Variants in PTGR1 observed in about 807,000 individuals in gnomAD.
PTGR1 encodes 15-oxoprostaglandin 13-reductase.
A neutral mutation model predicts 37.7 loss-of-function variants in PTGR1; 23 were observed. That is an observed-to-expected ratio of 0.61 (90% CI 0.44 to 0.86). PTGR1 has a LOEUF of 0.86. Among genes scored for constraint, PTGR1 ranks in the 40% least tolerant of loss-of-function variants. The pLI, the probability that PTGR1 is intolerant of heterozygous loss-of-function variation, is 0.00. For synonymous variants in PTGR1, 134 were observed against 140.0 expected (o/e 0.96, Z 0.30); for missense variants, 351 against 394.3 (o/e 0.89, Z 0.93).
intron 4 of PTGR1, among the ~76,000 whole-genome samples, chr9:111,586,785 C>T (rs1354672436): frequency 1.4e-5 from 2 of 142,966 alleles, no homozygotes; most frequent in Admixed American, 1.4e-4. Flanking sequence ...CTTTTCCACT[C>T]TCTCTCTCTC....
At chr9:111,578,748 T>C (rs1414933269) in intron 7 of PTGR1, 48 bp downstream of exon 7, 6 of 1,527,536 alleles carry the variant, frequency 3.9e-6, no homozygotes, top group Non-Finnish European at 5.3e-6. Context: ...TCCTGCTTTA[T>C]ATAGTACTTC....
intron 9 of PTGR1, among the ~76,000 whole-genome samples, chr9:111,569,510 G>A (rs1232925851): frequency 6.6e-6 from 1 of 152,180 alleles, no homozygotes; most frequent in Non-Finnish European, 1.5e-5. Context: ...AGGTGCGGTG[G>A]CTCACAACTG....
At chr9:111,591,063 G>A (rs571558775) in intron 4 of PTGR1, among the ~76,000 whole-genome samples, 13 of 152,164 alleles carry the variant, frequency 8.5e-5, no homozygotes, top group East Asian at 7.8e-4. Context: ...AGGCCAAGGC[G>A]GGCGGATCAC....
chr9:111,586,565 T>C (rs75836062), intron 4 of PTGR1, among the ~76,000 whole-genome samples: 11,347 of 152,082 alleles, frequency 0.075, 599 homozygotes, highest in East Asian at 0.23. Context: ...TCACTCAAAA[T>C]ATAAGCATGC....
intron 7 of PTGR1, chr9:111,577,491 C>A (rs531139410): frequency 1.3e-4 from 20 of 152,270 alleles, no homozygotes; most frequent in African/African-American, 4.8e-4. Context: ...AAAATCCACA[C>A]AAAAACCTCT....
At chr9:111,575,057 T>A (rs1829000218) in intron 7 of PTGR1, among the ~76,000 whole-genome samples, 2 of 152,078 alleles carry the variant, frequency 1.3e-5, no homozygotes, top group East Asian at 3.8e-4. Flanking sequence ...TCCCAACACT[T>A]TGGAAGGTTG....
At chr9:111,583,826 G>T (rs190559855) in intron 5 of PTGR1, among the ~76,000 whole-genome samples, 2 of 152,318 alleles carry the variant, frequency 1.3e-5, no homozygotes, top group African/African-American at 4.8e-5. Flanking sequence ...GAAAGGGGCT[G>T]TATCCTGTCC....
intron 6 of PTGR1, 44 bp from the exon 7 acceptor site, chr9:111,578,995 A>C: frequency 6.5e-7 from 1 of 1,547,448 alleles, no homozygotes; most frequent in South Asian, 1.2e-5. Context: ...AATAAGTCAC[A>C]AGCATGGACC....
At chr9:111,567,595 G>A (rs1828620793) in intron 9 of PTGR1, among the ~76,000 whole-genome samples, 1 of 152,180 alleles carries the variant, frequency 6.6e-6, no homozygotes, top group African/African-American at 2.4e-5. Flanking sequence ...ACTAAGAAAT[G>A]AAATCAGAGA....
At chr9:111,593,691 CG>C (rs1292102510) in intron 3 of PTGR1, among the ~76,000 whole-genome samples, 2 of 152,078 alleles carry the variant, frequency 1.3e-5, no homozygotes, top group Admixed American at 6.6e-5. Flanking sequence ...CTTTATGAGA[CG>C]GGGTCTTGCT....
chr9:111,582,554 C>A (rs756523936), intron 6 of PTGR1, among the ~76,000 whole-genome samples: 1 of 152,182 alleles, frequency 6.6e-6, no homozygotes, highest in Admixed American at 6.5e-5. Flanking sequence ...ATACGTAAAG[C>A]TTATTCTGCA....
chr9:111,573,582 T>TG (rs199858852), intron 8 of PTGR1, among the ~76,000 whole-genome samples: 20 of 151,842 alleles, frequency 1.3e-4, no homozygotes, highest in South Asian at 4.2e-4. Context: ...TCTCCTTTTT[T>TG]GGGGGGGGAC....
intron 9 of PTGR1, among the ~76,000 whole-genome samples, chr9:111,565,984 G>A (rs1445598592): frequency 6.6e-6 from 1 of 152,100 alleles, no homozygotes; most frequent in African/African-American, 2.4e-5. Context: ...GGCTGAGGCA[G>A]GAGAATCACT....
intron 9 of PTGR1, among the ~76,000 whole-genome samples, chr9:111,566,612 A>T (rs892615420): frequency 2.0e-5 from 3 of 152,168 alleles, no homozygotes; most frequent in African/African-American, 7.2e-5. Flanking sequence ...GGACTAAGGG[A>T]TTGTCTTATT....
Position 111,594,269 on chromosome 9 carries a change from T to C in PTGR1, c.107-2A>G. 1 of 1,613,166 alleles carries C rather than the reference T, an allele frequency of 6.2e-7. No individual in the cohort carries two copies. Among genetic ancestry groups the C allele is most frequent in the Non-Finnish European group, 8.5e-7 (1 of 1,179,232 alleles). ...GGAACAAAGCTTCAAGCAGGACCTC[T>C]ACAAAATAAAGCATTCCATAGGCAA... On this transcript the variant is annotated splice_acceptor_variant, in intron 2 of 9. Coordinates refer to ENST00000407693, the MANE Select transcript of PTGR1 (RefSeq NM_001146108.2). LOFTEE classifies it high-confidence loss of function.
chr9:111,556,282 G>C (rs1282129586), intron 9 of PTGR1, among the ~76,000 whole-genome samples: 1 of 152,230 alleles, frequency 6.6e-6, no homozygotes, highest in Non-Finnish European at 1.5e-5. Flanking sequence ...TACTCTGCAG[G>C]GTACAATTCC....
intron 9 of PTGR1, among the ~76,000 whole-genome samples, chr9:111,552,769 A>C (rs1564603848): frequency 6.6e-6 from 1 of 152,126 alleles, no homozygotes; most frequent in South Asian, 2.1e-4. Flanking sequence ...ATTTTTCAAG[A>C]TTTGAATTAA....
chr9:111,586,862 C>A (rs1410126053), intron 4 of PTGR1, among the ~76,000 whole-genome samples: 1 of 151,032 alleles, frequency 6.6e-6, no homozygotes, highest in Non-Finnish European at 1.5e-5. Flanking sequence ...CTCTTGTCGC[C>A]CAGGCTGGAG....
intron 4 of PTGR1, among the ~76,000 whole-genome samples, chr9:111,587,697 G>C (rs571095370): frequency 6.6e-6 from 1 of 152,164 alleles, no homozygotes; most frequent in African/African-American, 2.4e-5. Flanking sequence ...TGATCCGTCT[G>C]CCTCAGCCTC....
Sources: gnomAD v4.1 joint callset for allele counts (sites outside exome capture counted in the v4.1 genomes callset) on GRCh38, gnomAD v4.1.1 for gene constraint, MANE v1.5 for transcripts, NCBI Gene and HGNC (gene_info 2026-07-23, HGNC 2026-07-21) for gene names.